The following SLC2A8 variants were observed in gnomAD, a reference collection of about 807,000 sequenced individuals.
SLC2A8 encodes the protein solute carrier family 2, facilitated glucose transporter member 8.
In SLC2A8, 53 loss-of-function variants were observed where a neutral mutation model predicts 49.2. The ratio of observed to expected loss-of-function variants is 1.08; its 90% CI spans 0.86 to 1.35. The LOEUF is 1.35. Ranked by LOEUF, SLC2A8 falls within the 40% of genes most tolerant of loss-of-function variation. The probability of loss-of-function intolerance (pLI) is 0.00; values close to 1 mark genes in which losing one functional copy is unlikely to be tolerated. For missense variants in SLC2A8, 688 were observed against 671.7 expected, an observed-to-expected ratio of 1.02 and a Z score of -0.27; for synonymous variants, 299 against 297.0, an observed-to-expected ratio of 1.01 and a Z score of -0.07.
intron 3 of SLC2A8, among the ~76,000 whole-genome samples, chr9:127,398,491 G>T (rs1833137745): frequency 6.6e-6 from 1 of 152,188 alleles, no homozygotes; most frequent in Non-Finnish European, 1.5e-5. Context: ...TTCATCCCTG[G>T]CTTCGGGTCA....
intron 1 of SLC2A8, 31 bp from the exon 2 acceptor site, chr9:127,397,345 G>T: frequency 7.1e-7 from 1 of 1,400,378 alleles, no homozygotes; most frequent in Non-Finnish European, 9.2e-7. Flanking sequence ...CTCCGCGTCC[G>T]CTCCGCTCAC....
In SLC2A8 at chr9:127,403,716, C is replaced by T. The variant is rs1138740; in HGVS notation, c.780C>T (p.Gly260=). The T allele has an allele frequency of 0.19, 313,024 of 1,612,766 alleles. 33,420 individuals are homozygous for T. The highest frequency in any genetic ancestry group is 0.25 in the Admixed American group (14,866 of 59,974). The change falls in exon 6 of 10, where the codon GGC becomes GGT. Residue 260 remains glycine (G), a synonymous_variant. Transcript: ENST00000373371. The part of the protein sequence containing the change: ...QPGIYKPFII[G]VSLMAFQQLS... ...GCATCTACAAGCCCTTCATCATCGGCGTCTCCCTGATGGCCTTCCAGCAGC... is the reference window on the plus strand; with the variant it reads ...GCATCTACAAGCCCTTCATCATCGGTGTCTCCCTGATGGCCTTCCAGCAGC...
chr9:127,405,563 A>G lies in SLC2A8; in HGVS notation c.1294A>G (p.Met432Val). 2.5e-6 allele frequency: 4 copies of G among 1,613,074 alleles called. No individual in the cohort carries two copies. Among genetic ancestry groups the G allele is most frequent in the Non-Finnish European group, 3.4e-6 (4 of 1,179,954 alleles). Reference sequence around the variant, plus strand: ...CGTGACCAAGGAGTTCAGCAGCCTCATGGTGAGGGCAGGCTCCACCAGCAC... The same window carrying G: ...CGTGACCAAGGAGTTCAGCAGCCTCGTGGTGAGGGCAGGCTCCACCAGCAC... ...FLVTKEFSSL[M>V]EVLRPYGAFW... Residue 432 changes from methionine to valine, a missense_variant and splice_region_variant, in exon 9 of 10, where the codon ATG becomes GTG. Physicochemically the swap from Met to Val is conservative, Grantham distance 21. Coordinates refer to ENST00000373371, the MANE Select transcript of SLC2A8 (RefSeq NM_014580.5).
chr9:127,402,685 A>T lies in SLC2A8; in HGVS notation c.655A>T (p.Met219Leu), dbSNP rs758958613. The change falls in exon 5 of 10, where the codon ATG (methionine) becomes TTG (leucine). Residue 219 changes from methionine (M) to leucine (L), a missense_variant. Physicochemically the swap from Met to Leu is conservative, Grantham distance 15 (BLOSUM62 2). Transcript: ENST00000373371. ...LLTQHRRQEAMAALRFLWGSE... is the reference protein window; with the variant it reads ...LLTQHRRQEALAALRFLWGSE... Reference sequence around the variant, plus strand: ...GACTCAGCACAGGCGCCAGGAGGCCATGGCCGCCCTGCGGTTCCTGTGGGG... The same window carrying T: ...GACTCAGCACAGGCGCCAGGAGGCCTTGGCCGCCCTGCGGTTCCTGTGGGG... The T allele has an allele frequency of 1.3e-6, 2 of 1,571,914 alleles. No homozygotes were observed. The highest frequency in any genetic ancestry group is 2.7e-5 in the African/African-American group (2 of 74,352).
chr9:127,403,319 T>G, intron 5 of SLC2A8: 1 of 355,252 alleles, frequency 2.8e-6, no homozygotes. Flanking sequence ...GGGTCAGGGC[T>G]GTAGGAGGTG....
At position 127,405,453 on chromosome 9, in the gene SLC2A8, T is replaced by C. The variant is rs757993968; in HGVS notation, c.1184T>C (p.Leu395Pro). 1.2e-6 allele frequency: 2 copies of C among 1,612,956 alleles called. No homozygotes were observed. Among genetic ancestry groups the C allele is most frequent in the Non-Finnish European group, 1.7e-6 (2 of 1,179,978 alleles). Reference protein sequence around the residue: ...FAVGWGPIPWLLMSEIFPLHV... With the variant: ...FAVGWGPIPWPLMSEIFPLHV... ...GTGGGCTGGGGGCCCATCCCCTGGC[T>C]CCTCATGTCAGAGATCTTCCCTCTG... The change falls in exon 9 of 10, where the codon CTC becomes CCC. Residue 395 changes from leucine to proline, a missense_variant. Transcript: ENST00000373371.
Position 127,399,566 on chromosome 9 carries a change from C to CT in SLC2A8, c.427-324dup, listed in dbSNP as rs35116441. On this transcript the variant is annotated intron_variant, in intron 3 of 9. Coordinates refer to ENST00000373371, the MANE Select transcript of SLC2A8 (RefSeq NM_014580.5). This position sits in a 1 kb window ranked among gnomAD's most constrained non-coding sequence, Gnocchi z 4.2. ...TCTTGGAGCCTGAGTAAAGCCTCATCTTTTTTTTTTTTTTTTTAATTTTTA... is the reference window on the plus strand; with the variant it reads ...TCTTGGAGCCTGAGTAAAGCCTCATCTTTTTTTTTTTTTTTTTTAATTTTTA... Among the ~76,000 whole-genome samples the CT allele has an allele frequency of 5.8e-4, 81 of 140,640 alleles. No individual in the cohort carries two copies. Among genetic ancestry groups the CT allele is most frequent in the Admixed American group, 1.9e-3 (27 of 14,134 alleles). The allele number at this position is 140,640 out of a possible 152,430, so 92.3% of individuals were successfully genotyped here.
intron 2 of SLC2A8, 54 bp from the exon 3 acceptor site, chr9:127,397,851 G>A: frequency 7.1e-7 from 1 of 1,418,392 alleles, no homozygotes; most frequent in Non-Finnish European, 9.2e-7. Context: ...TGGGTGGAGG[G>A]GGAGGATGGG....
Position 127,399,789 on chromosome 9 carries a change from C to A in SLC2A8, c.427-118C>A. 1 of 731,782 alleles carries A rather than the reference C, an allele frequency of 1.4e-6. No homozygotes were observed. The highest frequency in any genetic ancestry group is 1.6e-5 in the South Asian group (1 of 61,426). 45.3% of individuals were successfully genotyped at this position (731,782 alleles called of 1,614,324 possible). On this transcript the variant is annotated intron_variant, in intron 3 of 9. Transcript: ENST00000373371. This position sits in a 1 kb window ranked among gnomAD's most constrained non-coding sequence, Gnocchi z 4.2. ...AGAGATGGGGTTTCTCCCTGTTGGTCAGGCCAGTCTCAAACTCCCAACCTC... is the reference window on the plus strand; with the variant it reads ...AGAGATGGGGTTTCTCCCTGTTGGTAAGGCCAGTCTCAAACTCCCAACCTC...
chr9:127,405,271 C>A, intron 8 of SLC2A8, 149 bp from the exon 9 acceptor site: 2 of 960,674 alleles, frequency 2.1e-6, no homozygotes, highest in Non-Finnish European at 3.0e-6. Flanking sequence ...GAGGCCTTGG[C>A]AGGAAAGCAT....
At chr9:127,401,853 G>C (rs1426629241) in intron 4 of SLC2A8, among the ~76,000 whole-genome samples, 1 of 152,188 alleles carries the variant, frequency 6.6e-6, no homozygotes, top group Non-Finnish European at 1.5e-5. Context: ...CTGGGAACCA[G>C]GGATGGGTAA....
chr9:127,407,337 C>T lies in SLC2A8; in HGVS notation c.*88C>T, dbSNP rs1378001783. 4 of 1,537,346 alleles carry T rather than the reference C, an allele frequency of 2.6e-6. No individual in the cohort carries two copies. Among genetic ancestry groups the T allele is most frequent in the Non-Finnish European group, 1.8e-6 (2 of 1,114,060 alleles). ...CTGCCTGCCCCAGGGGAGCCAGAAT[C>T]CAGCCCCTTGGAGCCTTGGTCTGCA... On this transcript the variant is annotated 3_prime_UTR_variant, in exon 10 of 10. Coordinates refer to ENST00000373371, the MANE Select transcript of SLC2A8 (RefSeq NM_014580.5).
Position 127,397,936 on chromosome 9 carries a change from G to C in SLC2A8, c.251G>C (p.Gly84Ala), listed in dbSNP as rs745733061. The change falls in exon 3 of 10, where the codon GGA becomes GCA. Residue 84 changes from glycine to alanine, a missense_variant. Coordinates refer to ENST00000373371, the MANE Select transcript of SLC2A8 (RefSeq NM_014580.5). ...GTGACCCTGGGTGCCGCGGCGGGGGGAGTGCTGGGCGGCTGGCTGGTGGAC... is the reference window on the plus strand; with the variant it reads ...GTGACCCTGGGTGCCGCGGCGGGGGCAGTGCTGGGCGGCTGGCTGGTGGAC... ...AVVTLGAAAG[G>A]VLGGWLVDRA... The C allele has an allele frequency of 3.9e-6, 6 of 1,531,788 alleles. No individual in the cohort carries two copies. The highest frequency in any genetic ancestry group is 2.8e-5 in the African/African-American group (2 of 72,716). 94.9% of individuals were successfully genotyped at this position (1,531,788 alleles called of 1,614,324 possible).
chr9:127,398,401 T>A, intron 3 of SLC2A8: 1 of 741,042 alleles, frequency 1.3e-6, no homozygotes, highest in Non-Finnish European at 2.5e-6. Context: ...GAACCCAGGG[T>A]TGTCCCACTT....
At position 127,407,250 on chromosome 9, in the gene SLC2A8, C is replaced by A. The variant is rs180973881; in HGVS notation, c.*1C>A. The A allele has an allele frequency of 6.2e-7, 1 of 1,612,978 alleles. No homozygotes were observed. The highest frequency in any genetic ancestry group is 2.2e-5 in the East Asian group (1 of 44,882). On this transcript the variant is annotated 3_prime_UTR_variant, in exon 10 of 10. Coordinates refer to ENST00000373371, the MANE Select transcript of SLC2A8 (RefSeq NM_014580.5). ...CACAGCCCATTTTGAGGGGCGATGA[C>A]AGCCACTCACTAGGGGATGGAGCAA...
At chr9:127,402,852 A>C (rs1029917520) in intron 5 of SLC2A8, 99 bp downstream of exon 5, 59 of 1,369,684 alleles carry the variant, frequency 4.3e-5, no homozygotes, top group Non-Finnish European at 5.2e-5. Context: ...GGTGGGGGAC[A>C]GGGAGGTGCC....
intron 4 of SLC2A8, 174 bp from the exon 5 acceptor site, chr9:127,402,383 C>A: frequency 9.7e-7 from 1 of 1,027,198 alleles, no homozygotes; most frequent in Non-Finnish European, 1.3e-6. Flanking sequence ...GTGATTGGCC[C>A]GTGCCATGTG....
At chr9:127,404,768 C>T in intron 7 of SLC2A8, 50 bp from the exon 8 acceptor site, 1 of 1,580,612 alleles carries the variant, frequency 6.3e-7, no homozygotes, top group Non-Finnish European at 8.6e-7. Flanking sequence ...GCTGCTGCGC[C>T]CTGGGCCGTT....
intron 8 of SLC2A8, 37 bp downstream of exon 8, chr9:127,405,028 A>T: frequency 2.5e-6 from 4 of 1,576,132 alleles, no homozygotes; most frequent in Non-Finnish European, 3.4e-6. Flanking sequence ...GAGGAGTGGG[A>T]GGTGATCCCC....
Sources: gnomAD v4.1 joint callset for allele counts (sites outside exome capture counted in the v4.1 genomes callset) on GRCh38, gnomAD v4.1.1 for gene constraint, Gnocchi (gnomAD v3.1) non-coding constraint, MANE v1.5 for transcripts, NCBI Gene and HGNC (gene_info 2026-07-23, HGNC 2026-07-21) for gene names.